Variants in CACNG4 observed in about 807,000 individuals in gnomAD.
The protein encoded by CACNG4 is voltage-dependent calcium channel gamma-4 subunit.
In CACNG4, 8 loss-of-function variants were observed where a neutral mutation model predicts 22.9. That is an observed-to-expected ratio of 0.35 (90% CI 0.21 to 0.63). CACNG4 has a LOEUF of 0.63. Among genes scored for constraint, CACNG4 ranks in the 30% least tolerant of loss-of-function variants. The pLI, the probability that CACNG4 is intolerant of heterozygous loss-of-function variation, is 0.72. For missense variants in CACNG4, 357 were observed against 455.4 expected (o/e 0.78, Z 1.97); for synonymous variants, 188 against 191.9 (o/e 0.98, Z 0.17).
At chr17:66,974,622 G>A (rs1362383406) in intron 1 of CACNG4, among the ~76,000 whole-genome samples, 1 of 152,166 alleles carries the variant, frequency 6.6e-6, no homozygotes, top group Non-Finnish European at 1.5e-5. Context: ...GTACCTCTGG[G>A]TGGAATCAGT....
chr17:67,007,456 G>A (rs561749811), intron 1 of CACNG4, among the ~76,000 whole-genome samples: 5 of 152,150 alleles, frequency 3.3e-5, no homozygotes, highest in South Asian at 2.1e-4. Flanking sequence ...ACATCATCAC[G>A]ATTTAGCCTT....
At chr17:67,005,154 A>G (rs901940390) in intron 1 of CACNG4, among the ~76,000 whole-genome samples, 1 of 152,222 alleles carries the variant, frequency 6.6e-6, no homozygotes, top group Non-Finnish European at 1.5e-5. Context: ...CAAGAACACC[A>G]TTTTAAAAAC....
intron 1 of CACNG4, among the ~76,000 whole-genome samples, chr17:66,992,295 C>A (rs2035345920): frequency 6.6e-6 from 1 of 152,168 alleles, no homozygotes; most frequent in Non-Finnish European, 1.5e-5. Flanking sequence ...GTGGGGACCC[C>A]ATGTTGGATC....
chr17:67,007,407 G>A (rs8068742), intron 1 of CACNG4, among the ~76,000 whole-genome samples: 1 of 152,098 alleles, frequency 6.6e-6, no homozygotes, highest in Non-Finnish European at 1.5e-5. Context: ...AGACATCTCC[G>A]AGAAATGAGG....
chr17:66,964,839 G>T lies in CACNG4; in HGVS notation c.-73G>T, dbSNP rs1205800358. On this transcript the variant is annotated 5_prime_UTR_variant, in exon 1 of 4. Transcript: ENST00000262138. ...CCCCCAACCCCGGCGCCCCCGGAGCGGCGCGCGGAGGGAGGAGGGCGGGCG... is the reference window on the plus strand; with the variant it reads ...CCCCCAACCCCGGCGCCCCCGGAGCTGCGCGCGGAGGGAGGAGGGCGGGCG... 6 of 919,830 alleles carry T rather than the reference G, an allele frequency of 6.5e-6. No individual in the cohort carries two copies. Among genetic ancestry groups the T allele is most frequent in the Middle Eastern group, 4.6e-4 (1 of 2,160 alleles). The allele number at this position is 919,830 out of a possible 1,614,324, so 57.0% of individuals were successfully genotyped here. A position where few individuals can be genotyped will look rare whatever the true frequency, so the allele number is the denominator to read the frequency against.
At chr17:67,005,328 G>C (rs1347661420) in intron 1 of CACNG4, among the ~76,000 whole-genome samples, 1 of 152,152 alleles carries the variant, frequency 6.6e-6, no homozygotes, top group African/African-American at 2.4e-5. Flanking sequence ...TCTGTGTGAA[G>C]GACTCATTCC....
chr17:67,011,135 A>G (rs1366468876), intron 1 of CACNG4, among the ~76,000 whole-genome samples: 1 of 152,196 alleles, frequency 6.6e-6, no homozygotes, highest in Non-Finnish European at 1.5e-5. Context: ...TTCAACCAAA[A>G]TTGCCTGGAC....
intron 1 of CACNG4, among the ~76,000 whole-genome samples, chr17:67,001,959 G>T (rs376821817): frequency 2.6e-5 from 4 of 152,194 alleles, no homozygotes; most frequent in Non-Finnish European, 2.9e-5. Context: ...ATGATCTGGC[G>T]GCTCCTCACC....
At chr17:67,013,950 T>A (rs925557556) in intron 1 of CACNG4, among the ~76,000 whole-genome samples, 1 of 152,114 alleles carries the variant, frequency 6.6e-6, no homozygotes. Context: ...ATTTACAAAA[T>A]AGTCATAGAA....
chr17:67,008,586 G>A (rs1277721292), intron 1 of CACNG4, among the ~76,000 whole-genome samples: 1 of 152,064 alleles, frequency 6.6e-6, no homozygotes, highest in Non-Finnish European at 1.5e-5. Flanking sequence ...GGGTTAAATT[G>A]CACCCTACCC....
intron 1 of CACNG4, among the ~76,000 whole-genome samples, chr17:66,993,632 G>T (rs945806172): frequency 6.6e-6 from 1 of 152,160 alleles, no homozygotes; most frequent in African/African-American, 2.4e-5. Flanking sequence ...TTGAGATGGA[G>T]TCTTGCTCTG....
intron 1 of CACNG4, among the ~76,000 whole-genome samples, chr17:67,016,423 T>A (rs937376736): frequency 6.6e-6 from 1 of 152,094 alleles, no homozygotes; most frequent in East Asian, 1.9e-4. Flanking sequence ...AGGCAGCAGC[T>A]GAAGGGGCCC....
intron 1 of CACNG4, among the ~76,000 whole-genome samples, chr17:67,013,744 G>A (rs1053072588): frequency 2.0e-5 from 3 of 151,770 alleles, no homozygotes; most frequent in Non-Finnish European, 2.9e-5. Context: ...GGTGGAGGTC[G>A]CAGTGAGCCG....
intron 1 of CACNG4, among the ~76,000 whole-genome samples, chr17:67,009,557 CT>C (rs1316767404): frequency 1.3e-5 from 2 of 152,210 alleles, no homozygotes; most frequent in Non-Finnish European, 2.9e-5. Flanking sequence ...TCCATTCAGG[CT>C]GCTAACAAAC....
chr17:66,978,773 G>A (rs1045658550), intron 1 of CACNG4, among the ~76,000 whole-genome samples: 1 of 152,224 alleles, frequency 6.6e-6, no homozygotes, highest in Non-Finnish European at 1.5e-5. Flanking sequence ...TCAGCAGTTT[G>A]GCATGTCATA....
intron 1 of CACNG4, among the ~76,000 whole-genome samples, chr17:66,977,305 T>TGGATCCAGCCCGCCCCAC (rs1253928580): frequency 2.0e-5 from 3 of 152,062 alleles, no homozygotes; most frequent in African/African-American, 7.2e-5. Flanking sequence ...TGAAGCCCCA[T>TGGATCCAGCCCGCCCCAC]GGATCCAGCC....
intron 1 of CACNG4, among the ~76,000 whole-genome samples, chr17:66,968,340 C>G (rs929615992): frequency 6.6e-6 from 1 of 152,164 alleles, no homozygotes; most frequent in African/African-American, 2.4e-5. Context: ...TGAGGATGCA[C>G]AACGGATACA....
chr17:66,973,735 A>T (rs1307483750), intron 1 of CACNG4, among the ~76,000 whole-genome samples: 1 of 152,174 alleles, frequency 6.6e-6, no homozygotes, highest in Non-Finnish European at 1.5e-5. Context: ...CTCAACAAGG[A>T]TGCTCTCTCC....
chr17:66,995,696 A>G (rs1283912619), intron 1 of CACNG4, among the ~76,000 whole-genome samples: 5 of 152,132 alleles, frequency 3.3e-5, no homozygotes, highest in Non-Finnish European at 7.4e-5. Context: ...CTAAAAATAC[A>G]AAAATTAGCT....
Sources: gnomAD v4.1 joint callset for allele counts (sites outside exome capture counted in the v4.1 genomes callset) on GRCh38, gnomAD v4.1.1 for gene constraint, MANE v1.5 for transcripts, NCBI Gene and HGNC (gene_info 2026-07-23, HGNC 2026-07-21) for gene names.